The following LINGO2 variants were observed in gnomAD, a reference collection of about 807,000 sequenced individuals.
The protein encoded by LINGO2 is leucine rich repeat and Ig domain containing 2.
A neutral mutation model predicts 30.6 loss-of-function variants in LINGO2; 14 were observed. The ratio of observed to expected loss-of-function variants is 0.46; its 90% CI spans 0.30 to 0.72. The LOEUF (loss-of-function observed/expected upper bound fraction) is 0.72, where lower values mean the gene tolerates loss of function less well. LINGO2 is among the 30% of genes least tolerant of loss of function. The pLI is 0.07. For synonymous variants in LINGO2, 317 were observed against 288.5 expected, an observed-to-expected ratio of 1.10 and a Z score of -1.00; for missense variants, 729 against 751.7, an observed-to-expected ratio of 0.97 and a Z score of 0.35.
Position 28,495,569 on chromosome 9 carries a change from G to C in LINGO2, c.-364-19544C>G, listed in dbSNP as rs186882951. On this transcript the variant is annotated intron_variant, in intron 1 of 5. Coordinates refer to ENST00000379992, the Ensembl canonical transcript of LINGO2. ...TCTGAGGGCTCTGTTCTGTTCCATT[G>C]GTCTATATCTCTGTTTTGATACCAG... Among the ~76,000 whole-genome samples, 329 of 152,092 alleles carry C rather than the reference G, an allele frequency of 2.2e-3. 1 individual carries two copies. The highest frequency in any genetic ancestry group is 3.7e-3 in the Non-Finnish European group (253 of 67,974).
At chr9:28,498,359 G>A (rs561683557) in intron 1 of LINGO2, among the ~76,000 whole-genome samples, 6 of 152,266 alleles carry the variant, frequency 3.9e-5, no homozygotes, top group South Asian at 2.1e-4. Flanking sequence ...TAGCAATGGC[G>A]GGCGCCCCTC....
rs190423162 is a variant in LINGO2, at chr9:28,110,326, A to G, written c.-86-97921T>C. The stretch of plus-strand genomic sequence containing the variant: ...AACTTAGCAATACCATTCAGAACAT[A>G]GGCATGGGCAAAGATTTCATGACTA... On this transcript the variant is annotated intron_variant, in intron 4 of 5. Transcript: ENST00000379992. 4.3e-3 allele frequency among the ~76,000 whole-genome samples: 650 copies of G among 152,342 alleles called. 9 individuals are homozygous for G. The highest frequency in any genetic ancestry group is 0.015 in the African/African-American group (620 of 41,562).
chr9:28,343,374 C>T (rs1229605619), intron 3 of LINGO2, among the ~76,000 whole-genome samples: 1 of 152,176 alleles, frequency 6.6e-6, no homozygotes, highest in Non-Finnish European at 1.5e-5. Context: ...ATGCTCATCT[C>T]TTCCGTTTCT....
At chr9:28,993,693 G>T in the LINGO2 span, among the ~76,000 whole-genome samples, 2 of 150,394 alleles carry the variant, frequency 1.3e-5, no homozygotes, top group Non-Finnish European at 3.0e-5. Flanking sequence ...TCATCCCTGG[G>T]ACGCAAGGCT....
At chr9:28,230,603 T>C (rs896120828) in intron 4 of LINGO2, among the ~76,000 whole-genome samples, 1 of 144,102 alleles carries the variant, frequency 6.9e-6, no homozygotes, top group Non-Finnish European at 1.6e-5. Flanking sequence ...TCACCAAGTC[T>C]ACAGTTTTTA....
the LINGO2 span, among the ~76,000 whole-genome samples, chr9:29,033,462 C>T: frequency 1.7e-4 from 26 of 150,458 alleles, no homozygotes; most frequent in South Asian, 1.0e-3. Flanking sequence ...ATTCAACACA[C>T]GTACGGGGTT....
At chr9:29,093,307 T>C in the LINGO2 span, among the ~76,000 whole-genome samples, 1 of 133,126 alleles carries the variant, frequency 7.5e-6, no homozygotes, top group South Asian at 2.3e-4. Flanking sequence ...AGTAGGGTAA[T>C]TCAAAAGGCT....
chr9:28,883,993 G>C, the LINGO2 span, among the ~76,000 whole-genome samples: 1 of 151,602 alleles, frequency 6.6e-6, no homozygotes, highest in Non-Finnish European at 1.5e-5. Context: ...ATGTTATATT[G>C]TGTTTATTAT....
chr9:28,313,148 G>A (rs1824698717), intron 3 of LINGO2, among the ~76,000 whole-genome samples: 1 of 152,114 alleles, frequency 6.6e-6, no homozygotes, highest in African/African-American at 2.4e-5. Flanking sequence ...TTTGTAACGA[G>A]ACTACATAAT....
At chr9:28,242,710 A>C (rs1587308542) in intron 4 of LINGO2, among the ~76,000 whole-genome samples, 2 of 152,166 alleles carry the variant, frequency 1.3e-5, no homozygotes, top group South Asian at 4.1e-4. Flanking sequence ...AAAATGTTAA[A>C]GGCAGCCAGA....
At chr9:28,493,020 T>C (rs1282863196) in intron 1 of LINGO2, among the ~76,000 whole-genome samples, 1 of 152,166 alleles carries the variant, frequency 6.6e-6, no homozygotes, top group Admixed American at 6.6e-5. Flanking sequence ...TGGGGGCTCA[T>C]GTTTTTCAAG....
the LINGO2 span, among the ~76,000 whole-genome samples, chr9:28,811,525 ATC>A: frequency 6.6e-6 from 1 of 152,168 alleles, no homozygotes; most frequent in Non-Finnish European, 1.5e-5. Context: ...CTGTATAATA[ATC>A]TGTTCCCATT....
intron 4 of LINGO2, among the ~76,000 whole-genome samples, chr9:28,244,675 C>T (rs1214126648): frequency 6.6e-6 from 1 of 151,978 alleles, no homozygotes; most frequent in East Asian, 1.9e-4. Flanking sequence ...CTATAAACAA[C>T]CCTACACAAA....
At chr9:28,513,900 T>C (rs1820515771) in intron 1 of LINGO2, among the ~76,000 whole-genome samples, 1 of 152,230 alleles carries the variant, frequency 6.6e-6, no homozygotes, top group Non-Finnish European at 1.5e-5. Context: ...TTTTCACAAA[T>C]TGAAGCTTTT....
At position 28,188,642 on chromosome 9, in the gene LINGO2, G is replaced by A. The variant is rs542188567; in HGVS notation, c.-87+106566C>T. 5.9e-5 allele frequency among the ~76,000 whole-genome samples: 9 copies of A among 152,170 alleles called. No individual in the cohort carries two copies. The South Asian group carries it at 1.5e-3, about 25-fold the overall frequency. Reference sequence around the variant, plus strand: ...TAAGAGGCAGTTAAAAAAAAGTGACGGAGATTTCCTAGACATTCTTATGTT... The same window carrying A: ...TAAGAGGCAGTTAAAAAAAAGTGACAGAGATTTCCTAGACATTCTTATGTT... On this transcript the variant is annotated intron_variant, in intron 4 of 5. Transcript: ENST00000379992.
intron 3 of LINGO2, among the ~76,000 whole-genome samples, chr9:28,364,125 T>G (rs1474376729): frequency 6.6e-6 from 1 of 152,172 alleles, no homozygotes; most frequent in Non-Finnish European, 1.5e-5. Context: ...CTAAACTCCT[T>G]AAGAGATTAT....
chr9:28,004,167 G>T (rs1372252980), intron 5 of LINGO2, among the ~76,000 whole-genome samples: 426 of 152,224 alleles, frequency 2.8e-3, no homozygotes, highest in African/African-American at 9.5e-3. Context: ...ACAGTGGTTT[G>T]TATTAAAAAT....
At chr9:28,851,700 A>G in the LINGO2 span, among the ~76,000 whole-genome samples, 4 of 151,926 alleles carry the variant, frequency 2.6e-5, no homozygotes, top group African/African-American at 9.7e-5. Context: ...ACTTTATTTA[A>G]TATAGTCCAC....
the LINGO2 span, among the ~76,000 whole-genome samples, chr9:29,148,262 C>G: frequency 3.9e-5 from 6 of 152,060 alleles, no homozygotes; most frequent in African/African-American, 1.4e-4. Flanking sequence ...TTAAGCTGAT[C>G]CTTCCTATAG....
Sources: gnomAD v4.1 joint callset for allele counts (sites outside exome capture counted in the v4.1 genomes callset) on GRCh38, gnomAD v4.1.1 for gene constraint, MANE v1.5 for transcripts, NCBI Gene and HGNC (gene_info 2026-07-23, HGNC 2026-07-21) for gene names.